The following ADAMTSL1 variants were observed in gnomAD, a reference collection of about 807,000 sequenced individuals.
ADAMTSL1 encodes ADAMTS like 1, also known as ADAMTS-like protein 1.
Under a neutral mutation model 201.8 loss-of-function variants are expected in ADAMTSL1, and 126 were observed. The observed-to-expected ratio is 0.62, with a 90% CI of 0.54 to 0.72. The LOEUF is 0.72. Ranked by LOEUF, ADAMTSL1 falls within the 30% of genes least tolerant of loss-of-function variation. The probability of loss-of-function intolerance (pLI) is 0.00; values close to 1 mark genes in which losing one functional copy is unlikely to be tolerated. For missense variants in ADAMTSL1, 2,679 were observed against 2,277.8 expected (o/e 1.18, Z -3.59); for synonymous variants, 1,121 against 903.4 (o/e 1.24, Z -4.32).
At chr9:18,307,047 C>T (rs544704163) in intron 2 of ADAMTSL1, among the ~76,000 whole-genome samples, 30 of 152,212 alleles carry the variant, frequency 2.0e-4, no homozygotes, top group South Asian at 6.2e-4. Flanking sequence ...ATTCAACATT[C>T]GTAAAGAAAA....
intron 1 of ADAMTSL1, among the ~76,000 whole-genome samples, chr9:18,130,202 C>T (rs1280507554): frequency 6.6e-6 from 1 of 152,122 alleles, no homozygotes; most frequent in East Asian, 1.9e-4. Context: ...CCTCTGCCTT[C>T]ACAGGGGCAT....
Position 17,971,831 on chromosome 9 carries a change from G to C in ADAMTSL1, c.87+64909G>C, listed in dbSNP as rs138048005. Among the ~76,000 whole-genome samples, 692 of 151,872 alleles carry C rather than the reference G, an allele frequency of 4.6e-3. 5 individuals are homozygous for C. The highest frequency in any genetic ancestry group is 0.016 in the African/African-American group (668 of 41,472). ...TATCCTTTTTATTATTTTATATGGG[G>C]AAAAAGACAACTTAAAGCATATCAT... On this transcript the variant is annotated intron_variant, in intron 1 of 29. Transcript: ENST00000680146.
chr9:18,172,919 A>G (rs1827968688), intron 2 of ADAMTSL1, among the ~76,000 whole-genome samples: 1 of 152,068 alleles, frequency 6.6e-6, no homozygotes, highest in South Asian at 2.1e-4. Flanking sequence ...TAGAGAAAAT[A>G]TATATAAAGA....
At chr9:18,718,265 G>A in intron 14 of ADAMTSL1, 1 of 758,484 alleles carries the variant, frequency 1.3e-6, no homozygotes, top group East Asian at 2.5e-5. Flanking sequence ...CATTAAATGT[G>A]GACTGTGCTT....
chr9:18,236,274 GT>G (rs1216881271), intron 2 of ADAMTSL1, among the ~76,000 whole-genome samples: 1 of 152,118 alleles, frequency 6.6e-6, no homozygotes, highest in Admixed American at 6.5e-5. Context: ...GTTTCACTAA[GT>G]TGGCCAGGCT....
At chr9:18,199,832 G>A (rs1294710797) in intron 2 of ADAMTSL1, among the ~76,000 whole-genome samples, 1 of 152,078 alleles carries the variant, frequency 6.6e-6, no homozygotes, top group Admixed American at 6.6e-5. Flanking sequence ...GGATCAAACT[G>A]TTGTTATAAA....
At chr9:17,978,198 G>A (rs188976159) in intron 1 of ADAMTSL1, among the ~76,000 whole-genome samples, 43 of 152,068 alleles carry the variant, frequency 2.8e-4, no homozygotes, top group African/African-American at 9.1e-4. Flanking sequence ...CCTTAAAGCC[G>A]AAGTGAGTCT....
In ADAMTSL1 at chr9:18,335,240, A is replaced by C. The variant is rs377667382; in HGVS notation, c.208-169589A>C. On this transcript the variant is annotated intron_variant, in intron 2 of 29. Coordinates refer to the ADAMTSL1 transcript ENST00000680146. ...AAAAATATATTGAACATGTCCCTAA[A>C]GTTATTGGGTTAAGACAGGCAGCAG... is the stretch of plus-strand genomic sequence containing the variant. 5.3e-5 allele frequency among the ~76,000 whole-genome samples: 8 copies of C among 152,260 alleles called. No homozygotes were observed. In the South Asian group the frequency reaches 6.2e-4, roughly 12 times the overall value.
chr9:18,826,102 A>C, intron 21 of ADAMTSL1, 182 bp from the exon 22 acceptor site: 1 of 664,322 alleles, frequency 1.5e-6, no homozygotes. Context: ...GGTCACCCTG[A>C]AGTCTATATC....
chr9:18,566,261 C>G (rs1821885266), intron 3 of ADAMTSL1, among the ~76,000 whole-genome samples: 1 of 152,166 alleles, frequency 6.6e-6, no homozygotes, highest in Non-Finnish European at 1.5e-5. Flanking sequence ...AATATGACGT[C>G]TGTTTCCTTT....
At chr9:18,292,746 C>T (rs563226481) in intron 2 of ADAMTSL1, among the ~76,000 whole-genome samples, 1 of 152,330 alleles carries the variant, frequency 6.6e-6, no homozygotes, top group African/African-American at 2.4e-5. Context: ...GCCAGGGTCT[C>T]TCAGGTCTTT....
intron 23 of ADAMTSL1, among the ~76,000 whole-genome samples, chr9:18,868,810 C>T (rs1175923240): frequency 6.6e-6 from 1 of 152,168 alleles, no homozygotes; most frequent in African/African-American, 2.4e-5. Flanking sequence ...GTTGCCTCCG[C>T]CTCTTCAAAC....
At chr9:18,572,039 A>T (rs1374763917) in intron 3 of ADAMTSL1, among the ~76,000 whole-genome samples, 1 of 152,006 alleles carries the variant, frequency 6.6e-6, no homozygotes, top group Non-Finnish European at 1.5e-5. Flanking sequence ...CTAAAAATAT[A>T]AAAAAATGAG....
chr9:18,035,889 T>C (rs1225618871), intron 1 of ADAMTSL1, among the ~76,000 whole-genome samples: 1 of 152,202 alleles, frequency 6.6e-6, no homozygotes, highest in Admixed American at 6.5e-5. Context: ...ATTTTTGTCA[T>C]GCCCTATATA....
At chr9:18,235,381 C>G (rs1036213416) in intron 2 of ADAMTSL1, among the ~76,000 whole-genome samples, 1 of 152,164 alleles carries the variant, frequency 6.6e-6, no homozygotes, top group African/African-American at 2.4e-5. Context: ...TACGACTCAT[C>G]ATAGATGATG....
At chr9:18,180,302 G>A (rs1447738817) in intron 2 of ADAMTSL1, among the ~76,000 whole-genome samples, 3 of 152,190 alleles carry the variant, frequency 2.0e-5, no homozygotes, top group Non-Finnish European at 2.9e-5. Context: ...GGGAGGCTGA[G>A]GCGGGCGGAT....
chr9:18,826,473 T>C lies in ADAMTSL1; in HGVS notation c.4114+10T>C, dbSNP rs1824575351. On this transcript the variant is annotated intron_variant, in intron 22 of 28. Transcript: ENST00000380548. ...CAGCTGCTGATCCTAGGTAAACACT[T>C]CAAAGCTGGCTGCCTCTGCTGCACC... The C allele has an allele frequency of 2.5e-6, 4 of 1,609,054 alleles. No homozygotes were observed. Among genetic ancestry groups the C allele is most frequent in the Non-Finnish European group, 3.4e-6 (4 of 1,177,712 alleles).
At chr9:18,369,608 C>T (rs1487967983) in intron 2 of ADAMTSL1, among the ~76,000 whole-genome samples, 2 of 152,068 alleles carry the variant, frequency 1.3e-5, no homozygotes, top group Non-Finnish European at 2.9e-5. Context: ...ACCATTAGAC[C>T]CATCTATCCT....
chr9:18,191,790 TCTTA>T (rs1396610525), intron 2 of ADAMTSL1, among the ~76,000 whole-genome samples: 1 of 152,178 alleles, frequency 6.6e-6, no homozygotes, highest in Admixed American at 6.6e-5. Context: ...CAGTGACTTG[TCTTA>T]CTTTATTTCT....
Sources: allele counts gnomAD v4.1 joint callset (sites outside exome capture counted in the v4.1 genomes callset), GRCh38; gene constraint gnomAD v4.1.1; transcripts MANE v1.5; gene names NCBI Gene and HGNC (gene_info 2026-07-23, HGNC 2026-07-21).